ERBB4: variants seen among roughly 807,000 people sequenced by gnomAD.
ERBB4 encodes the protein receptor tyrosine-protein kinase erbB-4.
ERBB4 carries 42 observed loss-of-function variants against 158.0 expected under a neutral mutation model. The ratio of observed to expected loss-of-function variants is 0.27; its 90% CI spans 0.21 to 0.34. ERBB4 has a LOEUF of 0.34. Among genes scored for constraint, ERBB4 ranks in the 10% least tolerant of loss-of-function variants. The pLI, the probability that ERBB4 is intolerant of heterozygous loss-of-function variation, is 1.00. For missense variants in ERBB4, 1,333 were observed against 1,624.1 expected, an observed-to-expected ratio of 0.82 and a Z score of 3.08; for synonymous variants, 583 against 558.7, an observed-to-expected ratio of 1.04 and a Z score of -0.61.
chr2:212,485,879 T>G (rs13422427), intron 1 of ERBB4, among the ~76,000 whole-genome samples: 15,260 of 152,040 alleles, frequency 0.1, 1,045 homozygotes, highest in Non-Finnish European at 0.15. Flanking sequence ...ATAAAGGCAC[T>G]AATCCTATTC....
intron 19 of ERBB4, among the ~76,000 whole-genome samples, chr2:211,573,077 A>C (rs2067779497): frequency 6.6e-6 from 1 of 152,174 alleles, no homozygotes; most frequent in African/African-American, 2.4e-5. Context: ...TGAGTTTAGG[A>C]GATCTTCCTT....
At chr2:211,565,864 G>T (rs527349527) in intron 19 of ERBB4, among the ~76,000 whole-genome samples, 2 of 152,258 alleles carry the variant, frequency 1.3e-5, no homozygotes, top group South Asian at 2.1e-4. Flanking sequence ...TCCCTCAAAA[G>T]ACTTTTTGTT....
intron 1 of ERBB4, among the ~76,000 whole-genome samples, chr2:212,532,139 G>A (rs1692788117): frequency 6.6e-6 from 1 of 152,056 alleles, no homozygotes; most frequent in Non-Finnish European, 1.5e-5. Flanking sequence ...ACTTCTATGT[G>A]TGCTACAGAA....
chr2:211,878,873 T>C (rs1305006371), intron 3 of ERBB4, among the ~76,000 whole-genome samples: 1 of 152,150 alleles, frequency 6.6e-6, no homozygotes, highest in African/African-American at 2.4e-5. Context: ...GATAATTCTA[T>C]AATTTTTGAC....
chr2:211,812,522 G>C (rs909096339), intron 3 of ERBB4, among the ~76,000 whole-genome samples: 2 of 152,172 alleles, frequency 1.3e-5, no homozygotes, highest in Admixed American at 6.5e-5. Context: ...GAGGCAGTCT[G>C]TCCATTCTCC....
At chr2:211,849,324 T>C (rs1280556421) in intron 3 of ERBB4, among the ~76,000 whole-genome samples, 1 of 152,020 alleles carries the variant, frequency 6.6e-6, no homozygotes, top group Admixed American at 6.6e-5. Context: ...TGTGCATGGT[T>C]ACCATATTTA....
intron 19 of ERBB4, among the ~76,000 whole-genome samples, chr2:211,600,103 G>T (rs1041528928): frequency 2.0e-5 from 3 of 152,138 alleles, no homozygotes; most frequent in East Asian, 3.8e-4. Flanking sequence ...TTATTGAATG[G>T]CTGAAATTAG....
intron 2 of ERBB4, among the ~76,000 whole-genome samples, chr2:211,998,828 T>C (rs1389783610): frequency 1.3e-5 from 2 of 151,892 alleles, no homozygotes; most frequent in Admixed American, 6.6e-5. Flanking sequence ...TTACTTATTA[T>C]ACTGTGATGC....
chr2:212,022,800 A>G (rs116669340), intron 2 of ERBB4, among the ~76,000 whole-genome samples: 54 of 152,258 alleles, frequency 3.5e-4, no homozygotes, highest in African/African-American at 1.2e-3. Context: ...TCACAAATGA[A>G]ATAATTCATT....
chr2:212,223,928 A>G (rs2083386842), intron 1 of ERBB4, among the ~76,000 whole-genome samples: 1 of 151,832 alleles, frequency 6.6e-6, no homozygotes, highest in Non-Finnish European at 1.5e-5. Flanking sequence ...TCCAGCCAAC[A>G]CAACGATTAA....
intron 3 of ERBB4, among the ~76,000 whole-genome samples, chr2:211,840,681 T>C (rs1234470201): frequency 6.6e-6 from 1 of 152,140 alleles, no homozygotes; most frequent in African/African-American, 2.4e-5. Context: ...CATTATGCAG[T>C]AGACACTGTG....
intron 2 of ERBB4, among the ~76,000 whole-genome samples, chr2:212,053,426 T>C (rs2077458906): frequency 6.6e-6 from 1 of 152,078 alleles, no homozygotes; most frequent in Non-Finnish European, 1.5e-5. Flanking sequence ...CCCTTCCTCC[T>C]CTGCCACCTC....
rs931805549 is a variant in ERBB4, at chr2:211,989,693, A to G, written c.235-42077T>C. Among the ~76,000 whole-genome samples the G allele has an allele frequency of 7.2e-5, 11 of 152,102 alleles. No individual in the cohort carries two copies. In the East Asian group the frequency reaches 2.1e-3, roughly 29 times the overall value. On this transcript the variant is annotated intron_variant, in intron 2 of 27. Coordinates refer to ENST00000342788, the MANE Select transcript of ERBB4 (RefSeq NM_005235.3). ...ATTTGCTATGATATTAGGCATATTG[A>G]TGATCCTGGAAGGGATGCAATCTAA...
intron 5 of ERBB4, 80 bp from the exon 6 acceptor site, chr2:211,725,274 T>A: frequency 2.0e-6 from 2 of 1,023,962 alleles, no homozygotes; most frequent in Non-Finnish European, 3.1e-6. Context: ...AGTGACAATT[T>A]CTCACCCTGT....
At chr2:211,903,757 C>G (rs1419582977) in intron 3 of ERBB4, among the ~76,000 whole-genome samples, 3 of 151,640 alleles carry the variant, frequency 2.0e-5, no homozygotes, top group Non-Finnish European at 2.9e-5. Flanking sequence ...ATGCCGATTT[C>G]ACTCTGTAGC....
intron 19 of ERBB4, among the ~76,000 whole-genome samples, chr2:211,608,676 C>A (rs954583463): frequency 2.0e-5 from 3 of 152,036 alleles, no homozygotes; most frequent in Non-Finnish European, 4.4e-5. Flanking sequence ...ATAATGGAAC[C>A]AAGGAATGCT....
At chr2:211,550,824 G>A (rs1007798229) in intron 20 of ERBB4, among the ~76,000 whole-genome samples, 2 of 149,404 alleles carry the variant, frequency 1.3e-5, no homozygotes, top group Non-Finnish European at 3.0e-5. Flanking sequence ...ATTGTTCCTG[G>A]TTAGATCATG....
intron 6 of ERBB4, 77 bp from the exon 7 acceptor site, chr2:211,722,611 GAA>G: frequency 7.0e-7 from 1 of 1,423,284 alleles, no homozygotes; most frequent in South Asian, 1.2e-5. Context: ...CAAAACAGGA[GAA>G]GTTTTTTTCT....
intron 16 of ERBB4, among the ~76,000 whole-genome samples, chr2:211,657,140 C>G (rs2071245127): frequency 6.6e-6 from 1 of 151,998 alleles, no homozygotes; most frequent in Non-Finnish European, 1.5e-5. Flanking sequence ...TTGTAATCAT[C>G]TATTGAATTA....
Sources: gnomAD v4.1 joint callset for allele counts (sites outside exome capture counted in the v4.1 genomes callset) on GRCh38, gnomAD v4.1.1 for gene constraint, MANE v1.5 for transcripts, NCBI Gene and HGNC (gene_info 2026-07-23, HGNC 2026-07-21) for gene names.